The following HEXA variants were observed in gnomAD, a reference collection of about 807,000 sequenced individuals.
The protein encoded by HEXA is beta-hexosaminidase subunit alpha.
Under a neutral mutation model 73.3 loss-of-function variants are expected in HEXA, and 54 were observed. The ratio of observed to expected loss-of-function variants is 0.74; its 90% CI spans 0.59 to 0.92. The LOEUF is 0.92. Among genes scored for constraint, HEXA ranks in the 40% least tolerant of loss-of-function variants. The probability of loss-of-function intolerance (pLI) is 0.00; values close to 1 mark genes in which losing one functional copy is unlikely to be tolerated. For missense variants in HEXA, 649 were observed against 653.0 expected (o/e 0.99, Z 0.07); for synonymous variants, 230 against 246.9 (o/e 0.93, Z 0.64).
chr15:72,353,580 T>G, intron 4 of HEXA, 111 bp downstream of exon 4: 1 of 808,924 alleles, frequency 1.2e-6, no homozygotes, highest in Non-Finnish European at 2.2e-6. Flanking sequence ...CTACTGGGGC[T>G]ATCTCAAGCC....
rs1276394913 is a variant in HEXA at position 72,353,757 on chromosome 15, C to A, written c.413-20G>T. ...CCAGACCTAGGAAGATGTAGAGAGG[C>A]AGAGTAAAGACTCAGGGAGTGGAAA... On this transcript the variant is annotated intron_variant, in intron 3 of 13. Transcript: ENST00000268097. 1.9e-6 allele frequency: 3 copies of A among 1,587,436 alleles called. No individual in the cohort carries two copies. The highest frequency in any genetic ancestry group is 2.6e-6 in the Non-Finnish European group (3 of 1,155,788).
At chr15:72,345,880 T>C (rs1595796587) in intron 12 of HEXA, 2 of 520,624 alleles carry the variant, frequency 3.8e-6, no homozygotes, top group South Asian at 2.1e-5. Context: ...CACCCAACCA[T>C]ACTTGGTAAG....
intron 1 of HEXA, chr15:72,369,896 C>T (rs1408856639): frequency 2.6e-5 from 4 of 152,082 alleles, no homozygotes; most frequent in South Asian, 2.1e-4. Flanking sequence ...CTATGCTTCT[C>T]GCTCCTGTTT....
chr15:72,351,387 A>G, intron 5 of HEXA, 153 bp from the exon 6 acceptor site: 1 of 693,806 alleles, frequency 1.4e-6, no homozygotes, highest in East Asian at 2.7e-5. Flanking sequence ...GGTCTATCAA[A>G]CCTTCCCATC....
intron 13 of HEXA, chr15:72,345,121 C>T (rs1317268594): frequency 1.4e-5 from 5 of 368,994 alleles, no homozygotes; most frequent in Non-Finnish European, 2.6e-5. Flanking sequence ...GCTCAAGTCC[C>T]TTATATAAAA....
chr15:72,369,252 T>C (rs1391254560), intron 1 of HEXA, among the ~76,000 whole-genome samples: 1 of 152,140 alleles, frequency 6.6e-6, no homozygotes, highest in East Asian at 1.9e-4. Flanking sequence ...CAGAAGAAAA[T>C]ATAATCCATT....
intron 10 of HEXA, among the ~76,000 whole-genome samples, chr15:72,346,951 C>A (rs1000398999): frequency 6.6e-6 from 1 of 152,014 alleles, no homozygotes; most frequent in Non-Finnish European, 1.5e-5. Context: ...CCTGTCCACA[C>A]AGAGCTAGTA....
intron 12 of HEXA, 108 bp from the exon 13 acceptor site, chr15:72,345,658 C>T: frequency 1.3e-6 from 2 of 1,544,748 alleles, no homozygotes; most frequent in Non-Finnish European, 1.7e-6. Context: ...TCACTCAGGC[C>T]AAAGGAAGTG....
At chr15:72,347,586 T>G (rs1389951474) in intron 10 of HEXA, 100 bp downstream of exon 10, 2 of 983,828 alleles carry the variant, frequency 2.0e-6, no homozygotes, top group Non-Finnish European at 3.3e-6. Context: ...TAAAGCCCAA[T>G]CCAAACCAGG....
At chr15:72,370,225 C>T (rs2088971501) in intron 1 of HEXA, 1 of 163,082 alleles carries the variant, frequency 6.1e-6, no homozygotes, top group Non-Finnish European at 1.3e-5. Flanking sequence ...TGTTCCACAT[C>T]CTGAGTCCTC....
Position 72,349,112 on chromosome 15 carries a change from T to C in HEXA, c.953A>G (p.His318Arg), listed in dbSNP as rs766622566. ...VSSVFPDFYL[H>R]LGGDEVDFTC... ...GAAATCAACCTCATCTCCTCCAAGA[T>C]GAAGATAAAAATCTGGGAAGACAGA... Residue 318 changes from histidine to arginine, a missense_variant, in exon 8 of 14, where the codon CAT becomes CGT. His to Arg is a conservative substitution (Grantham distance 29). Coordinates refer to ENST00000268097, the MANE Select transcript of HEXA (RefSeq NM_000520.6). 1 of 1,613,936 alleles carries C rather than the reference T, an allele frequency of 6.2e-7. No individual in the cohort carries two copies. The highest frequency in any genetic ancestry group is 2.2e-5 in the East Asian group (1 of 44,902).
Position 72,345,127 on chromosome 15 carries a change from T to C in HEXA, c.1526+319A>G, listed in dbSNP as rs537902980. 6.4e-4 allele frequency: 242 copies of C among 377,710 alleles called. 1 individual carries two copies. Among genetic ancestry groups the C allele is most frequent in the African/African-American group, 4.8e-3 (231 of 47,980 alleles). 23.4% of individuals were successfully genotyped at this position (377,710 alleles called of 1,614,324 possible). A position where few individuals can be genotyped will look rare whatever the true frequency, so the allele number is the denominator to read the frequency against. ...TCCAAGGATGCTCAAGTCCCTTATA[T>C]AAAAATGACATAGTATTTGCATATA... On this transcript the variant is annotated intron_variant, in intron 13 of 13. Coordinates refer to ENST00000268097, the MANE Select transcript of HEXA (RefSeq NM_000520.6).
chr15:72,368,893 T>C (rs141284269), intron 1 of HEXA, among the ~76,000 whole-genome samples: 2 of 152,322 alleles, frequency 1.3e-5, no homozygotes, highest in Non-Finnish European at 2.9e-5. Context: ...TAGTTAAACT[T>C]TTCATGCATA....
Position 72,351,200 on chromosome 15 carries a change from T to C in HEXA, c.605A>G (p.His202Arg), listed in dbSNP as rs761536872. The C allele has an allele frequency of 1.2e-6, 2 of 1,612,648 alleles. No homozygotes were observed. Among genetic ancestry groups the C allele is most frequent in the Admixed American group, 1.7e-5 (1 of 60,022 alleles). ...GGAAGGATCATCTACCAGATGCCAG[T>C]GGAACACGTTCAATTTATTGTACGC... ...VMAYNKLNVF[H>R]WHLVDDPSFP... Residue 202 changes from histidine to arginine, a missense_variant, in exon 6 of 14, where the codon CAC (histidine) becomes CGC (arginine). Transcript: ENST00000268097.
At chr15:72,353,997 C>T in intron 3 of HEXA, 1 of 571,300 alleles carries the variant, frequency 1.8e-6, no homozygotes, top group East Asian at 3.0e-5. Context: ...ACCTTCAAAA[C>T]CCACATACCT....
chr15:72,349,363 C>G (rs2088665628), intron 7 of HEXA, 104 bp from the exon 8 acceptor site: 1 of 898,522 alleles, frequency 1.1e-6, no homozygotes, highest in African/African-American at 1.6e-5. Flanking sequence ...CAAGTGTATT[C>G]ATAAACATCA....
intron 1 of HEXA, among the ~76,000 whole-genome samples, chr15:72,374,804 T>C (rs1430406990): frequency 1.3e-5 from 2 of 152,136 alleles, no homozygotes; most frequent in East Asian, 3.9e-4. Context: ...GTGAAACCAA[T>C]GTCTAAAGCG....
intron 1 of HEXA, among the ~76,000 whole-genome samples, chr15:72,366,346 T>C (rs2088915781): frequency 6.6e-6 from 1 of 152,004 alleles, no homozygotes; most frequent in Non-Finnish European, 1.5e-5. Flanking sequence ...TCCTCCTCTG[T>C]TGCCCAGGCT....
intron 7 of HEXA, chr15:72,350,270 C>A: frequency 3.9e-6 from 2 of 508,900 alleles, no homozygotes; most frequent in Non-Finnish European, 7.2e-6. Context: ...CTAGGCACAA[C>A]TACCTGCAAC....
Sources: gnomAD v4.1 joint callset for allele counts (sites outside exome capture counted in the v4.1 genomes callset) on GRCh38, gnomAD v4.1.1 for gene constraint, MANE v1.5 for transcripts, NCBI Gene and HGNC (gene_info 2026-07-23, HGNC 2026-07-21) for gene names.